The following SOX5 variants were observed in gnomAD, a reference collection of about 807,000 sequenced individuals.
The protein encoded by SOX5 is transcription factor SOX-5.
A neutral mutation model predicts 92.0 loss-of-function variants in SOX5; 9 were observed. That is an observed-to-expected ratio of 0.10 (90% CI 0.06 to 0.17). SOX5 has a LOEUF of 0.17. Ranked by LOEUF, SOX5 falls within the 10% of genes least tolerant of loss-of-function variation. The pLI is 1.00. For synonymous variants in SOX5, 344 were observed against 336.3 expected, an observed-to-expected ratio of 1.02 and a Z score of -0.25; for missense variants, 642 against 944.5, an observed-to-expected ratio of 0.68 and a Z score of 4.20.
intron 2 of SOX5, among the ~76,000 whole-genome samples, chr12:23,888,990 G>T (rs1388433363): frequency 6.6e-6 from 1 of 152,036 alleles, no homozygotes; most frequent in Non-Finnish European, 1.5e-5. Context: ...GAATTATACT[G>T]CCTACTATCA....
At chr12:24,128,919 G>A (rs1481603626) in intron 4 of SOX5, among the ~76,000 whole-genome samples, 1 of 152,082 alleles carries the variant, frequency 6.6e-6, no homozygotes, top group African/African-American at 2.4e-5. Context: ...AAACGATGGT[G>A]GACTAGGAAG....
At chr12:24,249,683 A>G (rs912864456) in intron 3 of SOX5, among the ~76,000 whole-genome samples, 21 of 152,216 alleles carry the variant, frequency 1.4e-4, no homozygotes, top group Non-Finnish European at 2.8e-4. Context: ...CCAGGCCAAC[A>G]TGCCATTGAT....
chr12:23,806,155 A>T (rs2095766141), intron 3 of SOX5, among the ~76,000 whole-genome samples: 1 of 152,214 alleles, frequency 6.6e-6, no homozygotes, highest in African/African-American at 2.4e-5. Context: ...AAAAGTAAGG[A>T]TCTTCCATTT....
intron 1 of SOX5, among the ~76,000 whole-genome samples, chr12:24,370,803 A>G (rs1339500575): frequency 6.6e-6 from 1 of 152,246 alleles, no homozygotes; most frequent in Non-Finnish European, 1.5e-5. Flanking sequence ...AGACAACAAC[A>G]ACAAAATGAC....
chr12:24,527,364 G>A (rs1950808355), intron 1 of SOX5, among the ~76,000 whole-genome samples: 1 of 152,334 alleles, frequency 6.6e-6, no homozygotes, highest in African/African-American at 2.4e-5. Flanking sequence ...TCAGAAGAGA[G>A]AGAGAGGTGA....
At chr12:24,347,824 A>G (rs1323513427) in intron 2 of SOX5, among the ~76,000 whole-genome samples, 1 of 152,140 alleles carries the variant, frequency 6.6e-6, no homozygotes, top group Admixed American at 6.5e-5. Flanking sequence ...AAAGTTAGCA[A>G]TACTAATTAC....
At chr12:24,494,623 G>A (rs1184037780) in intron 1 of SOX5, among the ~76,000 whole-genome samples, 3 of 152,140 alleles carry the variant, frequency 2.0e-5, no homozygotes, top group African/African-American at 7.2e-5. Context: ...AAGTAATGTG[G>A]TTTCAAGAAA....
At chr12:23,678,561 C>T (rs913603832) in intron 6 of SOX5, among the ~76,000 whole-genome samples, 3 of 152,200 alleles carry the variant, frequency 2.0e-5, no homozygotes, top group Admixed American at 1.3e-4. Flanking sequence ...CATCCACTTG[C>T]CCTCTACCAA....
chr12:23,819,257 T>C (rs2096060332), intron 3 of SOX5, among the ~76,000 whole-genome samples: 1 of 152,194 alleles, frequency 6.6e-6, no homozygotes, highest in Admixed American at 6.5e-5. Context: ...AAAAGGCATT[T>C]TTTAGTTCTA....
At chr12:23,678,440 T>C (rs979612964) in intron 6 of SOX5, among the ~76,000 whole-genome samples, 1 of 152,140 alleles carries the variant, frequency 6.6e-6, no homozygotes. Flanking sequence ...ATAGACTGCT[T>C]TCTTGATTAG....
intron 4 of SOX5, among the ~76,000 whole-genome samples, chr12:24,157,214 T>TA (rs963095724): frequency 6.6e-6 from 1 of 152,130 alleles, no homozygotes; most frequent in Non-Finnish European, 1.5e-5. Context: ...TTAAACTTCT[T>TA]AAAATGTATA....
At chr12:24,357,910 C>A (rs1210925760) in intron 2 of SOX5, among the ~76,000 whole-genome samples, 1 of 151,618 alleles carries the variant, frequency 6.6e-6, no homozygotes, top group African/African-American at 2.4e-5. Flanking sequence ...AGCCAAAACA[C>A]CAAACAAATT....
intron 1 of SOX5, among the ~76,000 whole-genome samples, chr12:24,524,420 T>C (rs2138537975): frequency 6.6e-6 from 1 of 152,164 alleles, no homozygotes; most frequent in Non-Finnish European, 1.5e-5. Context: ...TCCATCCTAC[T>C]GCTTCTGTCT....
At position 24,544,486 on chromosome 12, in the gene SOX5, G is replaced by C. The variant is rs74426210; in HGVS notation, c.-251+17843C>G. On this transcript the variant is annotated intron_variant, in intron 1 of 4. Transcript: ENST00000446891. ...AAGGCAGGATATGGATCATAAATTA[G>C]AGCCAGATATACAGAAGGGTAATGG... Among the ~76,000 whole-genome samples the C allele has an allele frequency of 4.6e-3, 694 of 152,226 alleles. 1 individual carries two copies. Among genetic ancestry groups the C allele is most frequent in the African/African-American group, 0.016 (656 of 41,532 alleles).
intron 1 of SOX5, among the ~76,000 whole-genome samples, chr12:24,525,411 C>A (rs1385238763): frequency 2.0e-5 from 3 of 152,152 alleles, no homozygotes; most frequent in Non-Finnish European, 4.4e-5. Context: ...TCAACAGGCA[C>A]AAAGCGCCAG....
intron 1 of SOX5, among the ~76,000 whole-genome samples, chr12:24,548,502 C>T (rs1952860045): frequency 6.6e-6 from 1 of 152,124 alleles, no homozygotes; most frequent in South Asian, 2.1e-4. Flanking sequence ...TATGTAGACA[C>T]GAGGCACTAC....
At chr12:24,328,105 C>T (rs530766875) in intron 2 of SOX5, among the ~76,000 whole-genome samples, 23 of 152,310 alleles carry the variant, frequency 1.5e-4, no homozygotes, top group African/African-American at 4.6e-4. Flanking sequence ...ACAATAAAAC[C>T]TAAGTCAGAT....
chr12:24,097,360 ATTTTG>A (rs1049843507), intron 4 of SOX5, among the ~76,000 whole-genome samples: 61 of 152,212 alleles, frequency 4.0e-4, no homozygotes, highest in Admixed American at 2.4e-3. Context: ...CAGCATAAAC[ATTTTG>A]TTTTTTTATA....
chr12:24,539,051 G>C (rs1163314639), intron 1 of SOX5, among the ~76,000 whole-genome samples: 1 of 151,976 alleles, frequency 6.6e-6, no homozygotes, highest in East Asian at 1.9e-4. Context: ...AAACACTAAA[G>C]GTATAGTGCA....
Sources: gnomAD v4.1 joint callset for allele counts (sites outside exome capture counted in the v4.1 genomes callset) on GRCh38, gnomAD v4.1.1 for gene constraint, MANE v1.5 for transcripts, NCBI Gene and HGNC (gene_info 2026-07-23, HGNC 2026-07-21) for gene names.